Variants in DNAI4 observed in about 807,000 individuals in gnomAD.
DNAI4 encodes the protein dynein axonemal intermediate chain 4, also known as WD repeat domain 78.
A neutral mutation model predicts 105.8 loss-of-function variants in DNAI4; 85 were observed. That is an observed-to-expected ratio of 0.80 (90% CI 0.67 to 0.96). DNAI4 has a LOEUF of 0.96. Ranked by LOEUF, DNAI4 falls within the 40% of genes least tolerant of loss-of-function variation. DNAI4 has a pLI of 0.00. For synonymous variants in DNAI4, 352 were observed against 331.5 expected (o/e 1.06, Z -0.67); for missense variants, 1,014 against 1,005.6 (o/e 1.01, Z -0.11).
At chr1:66,916,502 G>C (rs1211236460) in intron 1 of DNAI4, among the ~76,000 whole-genome samples, 1 of 152,160 alleles carries the variant, frequency 6.6e-6, no homozygotes, top group East Asian at 1.9e-4. Flanking sequence ...GCATCCCTGA[G>C]ACACAGGGCC....
rs1344304264 is a variant in DNAI4, at chr1:66,847,747, A to T, written c.1097-69T>A. 4.8e-5 allele frequency: 59 copies of T among 1,223,418 alleles called. No individual in the cohort carries two copies. In the Admixed American group the frequency reaches 1.4e-3, roughly 29 times the overall value. 75.8% of individuals were successfully genotyped at this position (1,223,418 alleles called of 1,614,324 possible). A position where few individuals can be genotyped will look rare whatever the true frequency, so the allele number is the denominator to read the frequency against. The stretch of plus-strand genomic sequence containing the variant: ...ATGGTTCATACATTCTAAAGATTTT[A>T]AAAATGACATTTCATCATTTGTATT... On this transcript the variant is annotated intron_variant, in intron 7 of 16. Transcript: ENST00000371026.
Position 66,840,684 on chromosome 1 carries a change from C to T in DNAI4, c.1292-13G>A. On this transcript the variant is annotated splice_polypyrimidine_tract_variant and intron_variant, in intron 8 of 16. Transcript: ENST00000371026. ...TCAGGTTCAGGTTCTAAAGTTTAAA[C>T]AAATAAAAAGATCATTGTCCTCTAC... The T allele has an allele frequency of 1.2e-6, 2 of 1,613,626 alleles. No individual in the cohort carries two copies. Among genetic ancestry groups the T allele is most frequent in the Non-Finnish European group, 1.7e-6 (2 of 1,179,888 alleles).
intron 10 of DNAI4, among the ~76,000 whole-genome samples, chr1:66,836,323 AGAAG>A (rs1169610179): frequency 3.5e-4 from 43 of 123,286 alleles, no homozygotes; most frequent in African/African-American, 4.1e-4. Flanking sequence ...AAAGAAAGAA[AGAAG>A]GAAAGAGGGA....
intron 15 of DNAI4, among the ~76,000 whole-genome samples, chr1:66,823,406 T>C (rs1645677192): frequency 6.6e-6 from 1 of 152,116 alleles, no homozygotes; most frequent in Admixed American, 6.6e-5. Context: ...TGATTTATAG[T>C]CCTTTAGGTA....
chr1:66,847,889 A>G lies in DNAI4; in HGVS notation c.1097-211T>C, dbSNP rs183761697. On this transcript the variant is annotated intron_variant, in intron 7 of 16. Transcript: ENST00000371026. ...ATTCTTAACCATCAAAAACTGTACT[A>G]TTTTTCAGAAGATAGGCAATGATAA... The G allele has an allele frequency of 9.8e-4, 501 of 509,396 alleles. 3 individuals are homozygous for G. Among genetic ancestry groups the G allele is most frequent in the South Asian group, 3.7e-4 (15 of 40,306 alleles). The allele number at this position is 509,396 out of a possible 1,614,324, so 31.6% of individuals were successfully genotyped here. A position where few individuals can be genotyped will look rare whatever the true frequency, so the allele number is the denominator to read the frequency against.
At chr1:66,867,147 C>T (rs1272969223) in intron 6 of DNAI4, among the ~76,000 whole-genome samples, 1 of 152,228 alleles carries the variant, frequency 6.6e-6, no homozygotes, top group African/African-American at 2.4e-5. Context: ...GGTGGGAACA[C>T]AGCCAAGCAT....
At chr1:66,873,203 TCTC>T (rs1646886128) in intron 5 of DNAI4, among the ~76,000 whole-genome samples, 2 of 150,458 alleles carry the variant, frequency 1.3e-5, no homozygotes, top group African/African-American at 4.9e-5. Flanking sequence ...TCCCTCTCCC[TCTC>T]CTTCTCCCTC....
At chr1:66,814,700 T>C (rs1241765009) in intron 16 of DNAI4, among the ~76,000 whole-genome samples, 1 of 152,172 alleles carries the variant, frequency 6.6e-6, no homozygotes, top group East Asian at 1.9e-4. Context: ...CGATAAACGA[T>C]TTTATAAAGA....
At position 66,871,527 on chromosome 1, in the gene DNAI4, T is replaced by C; in HGVS notation, c.801-18A>G. 1 of 1,555,444 alleles carries C rather than the reference T, an allele frequency of 6.4e-7. No individual in the cohort carries two copies. Among genetic ancestry groups the C allele is most frequent in the Non-Finnish European group, 8.7e-7 (1 of 1,152,962 alleles). ...TTCTCTGACTGTAAAAAATAAAGTG[T>C]ATCCAACTCATTAATAAGAATCATC... On this transcript the variant is annotated intron_variant, in intron 5 of 16. Transcript: ENST00000371026.
intron 16 of DNAI4, among the ~76,000 whole-genome samples, chr1:66,821,091 CTTTTTTTTTTT>C (rs55811909): frequency 2.1e-4 from 17 of 80,324 alleles, no homozygotes; most frequent in African/African-American, 8.2e-4. Context: ...AAACATTTCT[CTTTTTTTTTTT>C]TTTTTTTTTT....
In DNAI4 at chr1:66,924,679, C is replaced by CTTGT. The variant is rs771478503; in HGVS notation, c.149_152dup (p.Gln53AlafsTer17). 57 of 1,614,142 alleles carry CTTGT rather than the reference C, an allele frequency of 3.5e-5. No individual in the cohort carries two copies. The South Asian group carries it at 4.3e-4, about 12-fold the overall frequency. Reference sequence around the variant, plus strand: ...GAACTTACAACCCGAAGTTCTGCTGCTTGTGACTGCCTGCCGGAGAGACTG... The same window carrying CTTGT: ...GAACTTACAACCCGAAGTTCTGCTGCTTGTTTGTGACTGCCTGCCGGAGAGACTG... On this transcript the variant is annotated frameshift_variant, in exon 1 of 17. Coordinates refer to ENST00000371026, the MANE Select transcript of DNAI4 (RefSeq NM_024763.5). LOFTEE classifies it high-confidence loss of function.
At chr1:66,857,745 A>G (rs1169525033) in intron 7 of DNAI4, among the ~76,000 whole-genome samples, 2 of 151,934 alleles carry the variant, frequency 1.3e-5, no homozygotes, top group Non-Finnish European at 2.9e-5. Flanking sequence ...TCTGTTGGTC[A>G]GGCTGGTCTT....
intron 13 of DNAI4, among the ~76,000 whole-genome samples, chr1:66,830,079 T>A (rs190054664): frequency 4.7e-4 from 72 of 151,806 alleles, no homozygotes; most frequent in African/African-American, 1.6e-3. Flanking sequence ...TAGGGAAAAA[T>A]TACAGCAGAA....
chr1:66,838,770 T>A (rs982645954), intron 9 of DNAI4, among the ~76,000 whole-genome samples: 9 of 152,218 alleles, frequency 5.9e-5, no homozygotes, highest in African/African-American at 1.9e-4. Flanking sequence ...TCCCTATTTA[T>A]CTCTTCTAGA....
chr1:66,826,746 G>T, intron 15 of DNAI4, 74 bp downstream of exon 15: 2 of 1,294,700 alleles, frequency 1.5e-6, no homozygotes, highest in Non-Finnish European at 2.2e-6. Context: ...CCTCTAACTG[G>T]TGTCAAAACT....
At chr1:66,913,938 C>T (rs1255937372) in intron 1 of DNAI4, among the ~76,000 whole-genome samples, 6 of 149,642 alleles carry the variant, frequency 4.0e-5, no homozygotes, top group Non-Finnish European at 7.4e-5. Flanking sequence ...GAGCCTAGGT[C>T]GCGCCACTGC....
chr1:66,886,868 T>C (rs1647220032), intron 4 of DNAI4, among the ~76,000 whole-genome samples: 1 of 152,210 alleles, frequency 6.6e-6, no homozygotes, highest in African/African-American at 2.4e-5. Context: ...AAATAAAGGC[T>C]GGTGCTAGAG....
intron 2 of DNAI4, 160 bp downstream of exon 2, chr1:66,905,041 T>TA: frequency 2.0e-6 from 1 of 512,586 alleles, no homozygotes; most frequent in Non-Finnish European, 3.2e-6. Context: ...CAAGTGTCAA[T>TA]ATTATGTTGT....
chr1:66,838,430 G>GA (rs1646076456), intron 9 of DNAI4, among the ~76,000 whole-genome samples: 1 of 152,166 alleles, frequency 6.6e-6, no homozygotes, highest in African/African-American at 2.4e-5. Context: ...TGAATCAGCA[G>GA]CCCTTGGATC....
Sources: allele counts gnomAD v4.1 joint callset (sites outside exome capture counted in the v4.1 genomes callset), GRCh38; gene constraint gnomAD v4.1.1; transcripts MANE v1.5; gene names NCBI Gene and HGNC (gene_info 2026-07-23, HGNC 2026-07-21).